Variants in ACCSL observed in about 807,000 individuals in gnomAD.
The protein encoded by ACCSL is probable inactive 1-aminocyclopropane-1-carboxylate synthase-like protein 2.
In ACCSL, 55 loss-of-function variants were observed where a neutral mutation model predicts 61.7. The ratio of observed to expected loss-of-function variants is 0.89; its 90% CI spans 0.72 to 1.12. The LOEUF (loss-of-function observed/expected upper bound fraction) is 1.12. Ranked by LOEUF, ACCSL falls within the 50% of genes most tolerant of loss-of-function variation. The pLI, the probability that ACCSL is intolerant of heterozygous loss-of-function variation, is 0.00. For synonymous variants in ACCSL, 258 were observed against 264.3 expected (o/e 0.98, Z 0.23); for missense variants, 632 against 698.0 (o/e 0.91, Z 1.07).
intron 11 of ACCSL, among the ~76,000 whole-genome samples, chr11:44,056,887 C>A (rs927120844): frequency 6.6e-6 from 1 of 152,192 alleles, no homozygotes; most frequent in Non-Finnish European, 1.5e-5. Flanking sequence ...TGTCTGGTAG[C>A]TTGTGTTCTA....
intron 4 of ACCSL, 56 bp from the exon 5 acceptor site, chr11:44,051,595 CTA>C: frequency 1.2e-6 from 2 of 1,604,570 alleles, no homozygotes; most frequent in Non-Finnish European, 1.7e-6. Context: ...GAAAGCATGG[CTA>C]CCCCTTCTCA....
the ACCSL span, among the ~76,000 whole-genome samples, chr11:43,972,447 G>C: frequency 6.6e-6 from 1 of 152,162 alleles, no homozygotes; most frequent in African/African-American, 2.4e-5. Context: ...CCTAATACTG[G>C]TCTTAAAATT....
At chr11:43,930,065 G>C in the ACCSL span, among the ~76,000 whole-genome samples, 6 of 152,212 alleles carry the variant, frequency 3.9e-5, no homozygotes, top group Non-Finnish European at 8.8e-5. Context: ...AGCCCTGAGA[G>C]GAAGGCACTC....
chr11:43,927,079 T>C, the ACCSL span, among the ~76,000 whole-genome samples: 1 of 152,268 alleles, frequency 6.6e-6, no homozygotes, highest in Middle Eastern at 3.2e-3. Flanking sequence ...TATATATTTT[T>C]TCTACACATT....
chr11:43,943,688 C>T, the ACCSL span: 11 of 1,304,478 alleles, frequency 8.4e-6, no homozygotes, highest in African/African-American at 1.5e-5. This position sits in a 1 kb window ranked among gnomAD's most constrained non-coding sequence, Gnocchi z 4.8. Context: ...CCAACACTCT[C>T]GCTGAACACT....
At chr11:44,029,956 C>A in the ACCSL span, among the ~76,000 whole-genome samples, 2 of 145,084 alleles carry the variant, frequency 1.4e-5, no homozygotes, top group African/African-American at 5.0e-5. Context: ...AAACCAGGGT[C>A]CCCTGGGCCT....
the ACCSL span, among the ~76,000 whole-genome samples, chr11:44,012,864 A>G: frequency 6.6e-6 from 1 of 152,226 alleles, no homozygotes. Context: ...TTTCCATATT[A>G]CAGTCCCTTG....
At chr11:43,922,810 A>G in the ACCSL span, among the ~76,000 whole-genome samples, 1 of 152,160 alleles carries the variant, frequency 6.6e-6, no homozygotes, top group African/African-American at 2.4e-5. Flanking sequence ...CTTTTTCACA[A>G]TACTTACCAA....
At chr11:43,949,028 T>A in the ACCSL span, among the ~76,000 whole-genome samples, 1 of 152,244 alleles carries the variant, frequency 6.6e-6, no homozygotes, top group Non-Finnish European at 1.5e-5. Context: ...TGTTTGAGCC[T>A]GCAGCATGAT....
At chr11:44,002,718 G>C in the ACCSL span, among the ~76,000 whole-genome samples, 1 of 152,182 alleles carries the variant, frequency 6.6e-6, no homozygotes. Context: ...TGTGTGATCT[G>C]AGGGGAGCTA....
upstream of ACCSL, among the ~76,000 whole-genome samples, chr11:44,046,487 G>C (rs972554534): frequency 4.6e-5 from 7 of 152,314 alleles, no homozygotes; most frequent in South Asian, 1.5e-3. Context: ...AATACTGAAG[G>C]CTGACCTGGG....
At chr11:43,939,753 C>T in the ACCSL span, among the ~76,000 whole-genome samples, 4 of 152,196 alleles carry the variant, frequency 2.6e-5, no homozygotes, top group Non-Finnish European at 5.9e-5. Context: ...ATTACAGGCA[C>T]CTGCCACCAC....
At chr11:44,013,176 C>G in the ACCSL span, among the ~76,000 whole-genome samples, 1 of 152,190 alleles carries the variant, frequency 6.6e-6, no homozygotes, top group Non-Finnish European at 1.5e-5. Context: ...AAGTGCAAAA[C>G]AGCGTGTATA....
chr11:43,943,768 A>AT, the ACCSL span: 1 of 1,304,118 alleles, frequency 7.7e-7, no homozygotes, highest in Non-Finnish European at 1.0e-6. This position sits in a 1 kb window ranked among gnomAD's most constrained non-coding sequence, Gnocchi z 4.8. Flanking sequence ...TGGAGGATTG[A>AT]TATTTATTTT....
the ACCSL span, among the ~76,000 whole-genome samples, chr11:43,951,537 C>G: frequency 1.3e-5 from 2 of 152,096 alleles, no homozygotes; most frequent in African/African-American, 4.8e-5. Context: ...GCACAAAGAC[C>G]AGAAGCCTTT....
the ACCSL span, among the ~76,000 whole-genome samples, chr11:44,025,384 A>G: frequency 2.6e-5 from 4 of 152,150 alleles, no homozygotes; most frequent in African/African-American, 9.6e-5. Context: ...ACTTAAAACA[A>G]TCTAGTTTGT....
the ACCSL span, among the ~76,000 whole-genome samples, chr11:43,998,293 A>C: frequency 6.6e-6 from 1 of 152,198 alleles, no homozygotes; most frequent in Admixed American, 6.5e-5. Flanking sequence ...TGTGTGGGTG[A>C]AATTCAGCTG....
At chr11:43,973,446 CTA>C in the ACCSL span, among the ~76,000 whole-genome samples, 1 of 151,422 alleles carries the variant, frequency 6.6e-6, no homozygotes, top group South Asian at 2.1e-4. Context: ...ATCTATCTAT[CTA>C]TCTATCTATC....
chr11:43,979,098 C>G, the ACCSL span, among the ~76,000 whole-genome samples: 1 of 152,024 alleles, frequency 6.6e-6, no homozygotes, highest in East Asian at 1.9e-4. Context: ...TTATGCCTGG[C>G]CAAAGTCAAG....
Sources: gnomAD v4.1 joint callset for allele counts (sites outside exome capture counted in the v4.1 genomes callset) on GRCh38, gnomAD v4.1.1 for gene constraint, Gnocchi (gnomAD v3.1) non-coding constraint, MANE v1.5 for transcripts, NCBI Gene and HGNC (gene_info 2026-07-23, HGNC 2026-07-21) for gene names.